TMEM106B: variants seen among roughly 807,000 people sequenced by gnomAD.
The protein encoded by TMEM106B is transmembrane protein 106B.
In TMEM106B, 15 loss-of-function variants were observed where a neutral mutation model predicts 31.1. That is an observed-to-expected ratio of 0.48 (90% confidence interval 0.32 to 0.74). TMEM106B has a LOEUF of 0.74. Ranked by LOEUF, TMEM106B falls within the 30% of genes least tolerant of loss-of-function variation. TMEM106B has a pLI of 0.03. For synonymous variants in TMEM106B, 126 were observed against 112.5 expected, an observed-to-expected ratio of 1.12 and a Z score of -0.76; for missense variants, 283 against 327.3, an observed-to-expected ratio of 0.86 and a Z score of 1.04.
chr7:12,223,212 A>C (rs1423683944), intron 3 of TMEM106B, among the ~76,000 whole-genome samples: 1 of 152,204 alleles, frequency 6.6e-6, no homozygotes, highest in Non-Finnish European at 1.5e-5. Context: ...AAATGTAACA[A>C]CACCTTCAAA....
At position 12,232,375 on chromosome 7, in the gene TMEM106B, A is replaced by G. The variant is rs145475937; in HGVS notation, c.*400A>G. ...TTTTATAGAAAATTACTGAAAGTCT[A>G]TTACTCATGGAAGACTTTTAAAGAA... On this transcript the variant is annotated 3_prime_UTR_variant, in exon 8 of 8. Transcript: ENST00000396668. The G allele has an allele frequency of 0.018, 2,808 of 153,344 alleles. 33 individuals carry two copies. Among genetic ancestry groups the G allele is most frequent in the Non-Finnish European group, 0.026 (1,783 of 68,714 alleles). The allele number at this position is 153,344 out of a possible 1,614,324, so 9.5% of individuals were successfully genotyped here. A position where few individuals can be genotyped will look rare whatever the true frequency, so the allele number is the denominator to read the frequency against.
intron 3 of TMEM106B, among the ~76,000 whole-genome samples, chr7:12,220,986 C>T (rs1486064964): frequency 3.3e-5 from 5 of 152,006 alleles, no homozygotes; most frequent in Admixed American, 3.3e-4. Flanking sequence ...CACATATACA[C>T]ACAAAGAGAC....
Position 12,214,948 on chromosome 7 carries a change from T to G in TMEM106B, c.138T>G (p.Ser46=). ...AAGATGGAAGAAATGGAGATGTCTC[T>G]CAGTTTCCATATGTGGAATTTACAG... ...HNEDGRNGDV[S]QFPYVEFTGR... The change falls in exon 2 of 8, where the codon TCT becomes TCG. Residue 46 remains serine, a synonymous_variant. Coordinates refer to ENST00000396668, the MANE Select transcript of TMEM106B (RefSeq NM_001134232.2). The G allele has an allele frequency of 6.2e-7, 1 of 1,614,082 alleles. No homozygotes were observed. Among genetic ancestry groups the G allele is most frequent in the Non-Finnish European group, 8.5e-7 (1 of 1,179,964 alleles).
At chr7:12,215,552 G>A (rs1781669734) in intron 2 of TMEM106B, 1 of 275,740 alleles carries the variant, frequency 3.6e-6, no homozygotes, top group Non-Finnish European at 7.9e-6. Flanking sequence ...TAATGTGTAA[G>A]GAAGCTTATT....
chr7:12,224,153 A>G, intron 3 of TMEM106B, 73 bp from the exon 4 acceptor site: 1 of 1,401,876 alleles, frequency 7.1e-7, no homozygotes, highest in African/African-American at 1.4e-5. Context: ...GGGAAATTGA[A>G]CATACCTTCT....
intron 1 of TMEM106B, among the ~76,000 whole-genome samples, chr7:12,213,567 C>T (rs1471221884): frequency 6.6e-6 from 1 of 152,012 alleles, no homozygotes; most frequent in African/African-American, 2.4e-5. Context: ...AAAAATGAAA[C>T]CTGCATGTTT....
chr7:12,219,411 A>C (rs966736578), intron 3 of TMEM106B, among the ~76,000 whole-genome samples: 1 of 152,218 alleles, frequency 6.6e-6, no homozygotes, highest in African/African-American at 2.4e-5. Context: ...TTTTCTTGAA[A>C]GTACAAAAGC....
At chr7:12,228,639 C>G (rs1055078342) in intron 4 of TMEM106B, among the ~76,000 whole-genome samples, 9 of 151,780 alleles carry the variant, frequency 5.9e-5, no homozygotes, top group African/African-American at 2.2e-4. Context: ...GTAGGATTGC[C>G]CGATCAAAGT....
At position 12,234,026 on chromosome 7, in the gene TMEM106B, C is replaced by T. The variant is rs181958387; in HGVS notation, c.*2051C>T. The T allele has an allele frequency of 6.6e-6, 1 of 151,664 alleles. No homozygotes were observed. Among genetic ancestry groups the T allele is most frequent in the East Asian group, 1.9e-4 (1 of 5,190 alleles). 9.4% of individuals were successfully genotyped at this position (151,664 alleles called of 1,614,324 possible). A position where few individuals can be genotyped will look rare whatever the true frequency, so the allele number is the denominator to read the frequency against. ...AAAAAAAAAGTTATTTTATCATATC[C>T]TTTCTATTATGTTCCCATCCTGTCC... On this transcript the variant is annotated 3_prime_UTR_variant, in exon 8 of 8. Coordinates refer to ENST00000396668, the MANE Select transcript of TMEM106B (RefSeq NM_001134232.2).
rs995307491 is a variant in TMEM106B, at chr7:12,224,485, A to G, written c.441+100A>G. 8 of 963,942 alleles carry G rather than the reference A, an allele frequency of 8.3e-6. No individual in the cohort carries two copies. In the South Asian group the frequency reaches 1.4e-4, roughly 17 times the overall value. 59.7% of individuals were successfully genotyped at this position (963,942 alleles called of 1,614,324 possible). A position where few individuals can be genotyped will look rare whatever the true frequency, so the allele number is the denominator to read the frequency against. Reference sequence around the variant, plus strand: ...AGAAGAGATGTTTGTTAAATGTGACACTGGTCAGTGTGCTTTCTGTATGTC... The same window carrying G: ...AGAAGAGATGTTTGTTAAATGTGACGCTGGTCAGTGTGCTTTCTGTATGTC... On this transcript the variant is annotated intron_variant, in intron 4 of 7. Transcript: ENST00000396668.
At chr7:12,217,146 A>C (rs1399394809) in intron 2 of TMEM106B, among the ~76,000 whole-genome samples, 2 of 152,158 alleles carry the variant, frequency 1.3e-5, no homozygotes, top group African/African-American at 2.4e-5. Flanking sequence ...AATGTTCTTG[A>C]ATAGACAGAA....
At chr7:12,226,687 T>G (rs1781907925) in intron 4 of TMEM106B, among the ~76,000 whole-genome samples, 1 of 138,928 alleles carries the variant, frequency 7.2e-6, no homozygotes, top group South Asian at 2.6e-4. Flanking sequence ...CACTACTTAA[T>G]TACAGAGAAA....
At position 12,236,126 on chromosome 7, in the gene TMEM106B, G is replaced by T. The variant is rs1474794459; in HGVS notation, c.*4151G>T. ...TGTTCAGATCAAAAATTTAACTTCTGTGTCCCAGATCTACTTTCAAAGTGA... is the reference window on the plus strand; with the variant it reads ...TGTTCAGATCAAAAATTTAACTTCTTTGTCCCAGATCTACTTTCAAAGTGA... On this transcript the variant is annotated 3_prime_UTR_variant, in exon 8 of 8. Transcript: ENST00000396668. 1 of 151,820 alleles carries T rather than the reference G, an allele frequency of 6.6e-6. No homozygotes were observed. Among genetic ancestry groups the T allele is most frequent in the African/African-American group, 2.4e-5 (1 of 41,390 alleles). 9.4% of individuals were successfully genotyped at this position (151,820 alleles called of 1,614,324 possible).
Position 12,214,853 on chromosome 7 carries a change from G to T in TMEM106B, c.43G>T (p.Glu15Ter). 6.2e-7 allele frequency: 1 copy of T among 1,613,806 alleles called. No individual in the cohort carries two copies. The highest frequency in any genetic ancestry group is 8.5e-7 in the Non-Finnish European group (1 of 1,179,870). The change falls in exon 2 of 8, where the codon GAA becomes TAA. Residue 15 changes from glutamate (E) to a stop codon, truncating the protein, a stop_gained. Transcript: ENST00000396668. LOFTEE classifies it high-confidence loss of function. The part of the protein sequence containing the change: ...LSHLPLHSSK[E>*]DAYDGVTSEN... ...TCATTTGCCTTTGCATTCAAGCAAA[G>T]AAGATGCTTATGATGGAGTCACATC...
rs948883770 is a variant in TMEM106B, at chr7:12,238,942, C to G, written c.*6967C>G. On this transcript the variant is annotated 3_prime_UTR_variant, in exon 8 of 8. Transcript: ENST00000396668. ...ATTGGCTTCAACTTAAAGTCACCAG[C>G]TACATTCACCACTAAAGAGAGTCAG... 4 of 152,114 alleles carry G rather than the reference C, an allele frequency of 2.6e-5. No individual in the cohort carries two copies. The highest frequency in any genetic ancestry group is 2.6e-4 in the Admixed American group (4 of 15,256). The allele number at this position is 152,114 out of a possible 1,614,324, so 9.4% of individuals were successfully genotyped here. A position where few individuals can be genotyped will look rare whatever the true frequency, so the allele number is the denominator to read the frequency against.
intron 6 of TMEM106B, 89 bp downstream of exon 6, chr7:12,230,527 G>A (rs556183053): frequency 4.0e-5 from 36 of 892,358 alleles, no homozygotes; most frequent in South Asian, 8.5e-5. Flanking sequence ...TTTAATTTCC[G>A]TTATCAGTCA....
rs953682689 is a variant in TMEM106B, at chr7:12,243,120, A to G, written c.*11145A>G. On this transcript the variant is annotated 3_prime_UTR_variant, in exon 8 of 8. Transcript: ENST00000396668. ...TTATTTATATAAATATTGTTACTTT[A>G]CCACTAGTGATTTCAATAGTGGCAT... 2 of 152,086 alleles carry G rather than the reference A, an allele frequency of 1.3e-5. No homozygotes were observed. Among genetic ancestry groups the G allele is most frequent in the Admixed American group, 6.6e-5 (1 of 15,262 alleles). The allele number at this position is 152,086 out of a possible 1,614,324, so 9.4% of individuals were successfully genotyped here.
Position 12,237,683 on chromosome 7 carries a change from A to C in TMEM106B, c.*5708A>C, listed in dbSNP as rs1289854913. The stretch of plus-strand genomic sequence containing the variant: ...AAACACAATATATATGCCTTAATAA[A>C]AAATAGGCTGTGTGCAGTGGCTCAC... On this transcript the variant is annotated 3_prime_UTR_variant, in exon 8 of 8. Coordinates refer to ENST00000396668, the MANE Select transcript of TMEM106B (RefSeq NM_001134232.2). 6.6e-6 allele frequency: 1 copy of C among 152,068 alleles called. No homozygotes were observed. Among genetic ancestry groups the C allele is most frequent in the Non-Finnish European group, 1.5e-5 (1 of 67,996 alleles). The allele number at this position is 152,068 out of a possible 1,614,324, so 9.4% of individuals were successfully genotyped here.
chr7:12,218,819 T>C (rs994684115), intron 3 of TMEM106B, among the ~76,000 whole-genome samples: 1 of 151,998 alleles, frequency 6.6e-6, no homozygotes, highest in Non-Finnish European at 1.5e-5. Context: ...TAATAAGGTG[T>C]ACTCCACAAC....
Sources: allele counts gnomAD v4.1 joint callset (sites outside exome capture counted in the v4.1 genomes callset), GRCh38; gene constraint gnomAD v4.1.1; transcripts MANE v1.5; gene names NCBI Gene and HGNC (gene_info 2026-07-23, HGNC 2026-07-21).